RAB38: variants seen among roughly 807,000 people sequenced by gnomAD.
RAB38 encodes the protein RAB38, member RAS oncogene family.
A neutral mutation model predicts 18.4 loss-of-function variants in RAB38; 15 were observed. That is an observed-to-expected ratio of 0.82 (90% confidence interval 0.55 to 1.26). RAB38 has a LOEUF of 1.26. Ranked by LOEUF, RAB38 falls within the 50% of genes most tolerant of loss-of-function variation. The pLI, the probability that RAB38 is intolerant of heterozygous loss-of-function variation, is 0.00. For synonymous variants in RAB38, 101 were observed against 104.4 expected, an observed-to-expected ratio of 0.97 and a Z score of 0.20; for missense variants, 294 against 267.4, an observed-to-expected ratio of 1.10 and a Z score of -0.69.
At chr11:88,105,709 T>C in the RAB38 span, among the ~76,000 whole-genome samples, 6 of 152,120 alleles carry the variant, frequency 3.9e-5, no homozygotes, top group African/African-American at 1.4e-4. Context: ...CCAAAGACCC[T>C]GCATAGTTCA....
the RAB38 span, among the ~76,000 whole-genome samples, chr11:88,005,585 G>C: frequency 1.4e-5 from 2 of 147,476 alleles, no homozygotes; most frequent in African/African-American, 5.0e-5. Flanking sequence ...CTGTGCAGAA[G>C]TTTTTTTTTT....
the RAB38 span, among the ~76,000 whole-genome samples, chr11:87,807,477 A>G: frequency 1.3e-5 from 2 of 152,216 alleles, no homozygotes; most frequent in African/African-American, 4.8e-5. Flanking sequence ...TCTTCACTGG[A>G]TCTATAAATA....
chr11:88,161,174 G>C (rs1355494376), intron 1 of RAB38, among the ~76,000 whole-genome samples: 1 of 151,932 alleles, frequency 6.6e-6, no homozygotes. Flanking sequence ...TCAAACTCTT[G>C]TCGCTTCCTT....
the RAB38 span, among the ~76,000 whole-genome samples, chr11:87,897,017 C>G: frequency 9.2e-5 from 14 of 151,688 alleles, no homozygotes; most frequent in Non-Finnish European, 1.5e-4. Context: ...GATCTTTTTG[C>G]CTTTTAAGTG....
At chr11:87,940,090 A>G in the RAB38 span, among the ~76,000 whole-genome samples, 12 of 151,842 alleles carry the variant, frequency 7.9e-5, no homozygotes, top group Non-Finnish European at 1.5e-4. Context: ...GATAAATAAT[A>G]TTGATAAATC....
At chr11:88,071,743 A>G in the RAB38 span, among the ~76,000 whole-genome samples, 2 of 152,230 alleles carry the variant, frequency 1.3e-5, no homozygotes, top group Non-Finnish European at 2.9e-5. Context: ...GCATGGAGAA[A>G]GAATCCCTTT....
At chr11:87,950,617 A>C in the RAB38 span, among the ~76,000 whole-genome samples, 1 of 152,086 alleles carries the variant, frequency 6.6e-6, no homozygotes, top group Admixed American at 6.6e-5. Flanking sequence ...CTTGTCTGTA[A>C]AGGATTTTAT....
Position 88,149,934 on chromosome 11 carries a change from A to G in RAB38, c.224T>C (p.Met75Thr). The change falls in exon 2 of 3, where the codon ATG becomes ACG. Residue 75 changes from methionine to threonine, a missense_variant. By Grantham distance (81) the Met-to-Thr change is moderately conservative (BLOSUM62 -1). Coordinates refer to ENST00000243662, the MANE Select transcript of RAB38 (RefSeq NM_022337.3). ...AGCTTCTCGGTAATAGACCCTCGTC[A>G]TGTTTCCAAATCTTTCTTGACCTGA... is the stretch of plus-strand genomic sequence containing the variant. ...DIAGQERFGN[M>T]TRVYYREAMG... The G allele has an allele frequency of 2.5e-6, 4 of 1,611,926 alleles. No individual in the cohort carries two copies. The highest frequency in any genetic ancestry group is 3.4e-6 in the Non-Finnish European group (4 of 1,178,906).
rs539216900 is a variant in RAB38, at chr11:88,155,619, T to C, written c.203-5664A>G. 4.2e-4 allele frequency among the ~76,000 whole-genome samples: 64 copies of C among 152,252 alleles called. 1 individual carries two copies. Among genetic ancestry groups the C allele is most frequent in the African/African-American group, 1.5e-3 (64 of 41,560 alleles). On this transcript the variant is annotated intron_variant, in intron 1 of 2. Coordinates refer to ENST00000243662, the MANE Select transcript of RAB38 (RefSeq NM_022337.3). ...AAAGGAAAAAGCACAAAAATCCTGA[T>C]ACTATGAAAAATATGAATGCAGTGA...
chr11:88,076,934 G>T, the RAB38 span, among the ~76,000 whole-genome samples: 1 of 126,528 alleles, frequency 7.9e-6, no homozygotes, highest in Non-Finnish European at 1.6e-5. Context: ...ACTCCAGCCT[G>T]GGCAACAGAG....
chr11:88,135,723 T>C (rs760832069), intron 2 of RAB38, among the ~76,000 whole-genome samples: 12 of 152,228 alleles, frequency 7.9e-5, no homozygotes, highest in Non-Finnish European at 1.5e-4. Flanking sequence ...AAACTCTTCC[T>C]TTTTAAAGAG....
At chr11:88,151,609 A>T (rs1376389829) in intron 1 of RAB38, among the ~76,000 whole-genome samples, 1 of 152,254 alleles carries the variant, frequency 6.6e-6, no homozygotes, top group East Asian at 1.9e-4. Context: ...TTTCTTGGAA[A>T]GAGTAAAATG....
chr11:88,123,795 T>A (rs56052931), intron 2 of RAB38, among the ~76,000 whole-genome samples: 18,456 of 152,228 alleles, frequency 0.12, 1,567 homozygotes, highest in African/African-American at 0.24. Context: ...AATATTTTAC[T>A]GGGGCAAATG....
At chr11:87,871,110 ATTATTT>A in the RAB38 span, among the ~76,000 whole-genome samples, 1 of 151,652 alleles carries the variant, frequency 6.6e-6, no homozygotes, top group African/African-American at 2.4e-5. Context: ...ATTTGAGAAA[ATTATTT>A]TTATGTTTAG....
At chr11:88,084,115 C>T in the RAB38 span, among the ~76,000 whole-genome samples, 779 of 151,740 alleles carry the variant, frequency 5.1e-3, 5 homozygotes, top group African/African-American at 0.018. Context: ...AGGAAGTATA[C>T]GGCAATGAAT....
the RAB38 span, among the ~76,000 whole-genome samples, chr11:87,934,421 T>C: frequency 6.6e-6 from 1 of 152,146 alleles, no homozygotes; most frequent in Non-Finnish European, 1.5e-5. Context: ...ATAAATGAAT[T>C]ATATGCTAAC....
the RAB38 span, among the ~76,000 whole-genome samples, chr11:88,034,650 G>A: frequency 6.6e-5 from 10 of 152,220 alleles, no homozygotes; most frequent in African/African-American, 9.6e-5. Context: ...TATCCTCTTT[G>A]GTGGAATGTC....
chr11:87,879,931 T>C, the RAB38 span: 1 of 151,798 alleles, frequency 6.6e-6, no homozygotes, highest in African/African-American at 2.4e-5. Flanking sequence ...TATAATATGC[T>C]GTACTTTATC....
the RAB38 span, among the ~76,000 whole-genome samples, chr11:87,970,358 C>A: frequency 5.3e-5 from 8 of 152,066 alleles, no homozygotes; most frequent in Non-Finnish European, 1.2e-4. Flanking sequence ...CTGTTAGACT[C>A]TGCCTTTATT....
Sources: gnomAD v4.1 joint callset for allele counts (sites outside exome capture counted in the v4.1 genomes callset) on GRCh38, gnomAD v4.1.1 for gene constraint, MANE v1.5 for transcripts, NCBI Gene and HGNC (gene_info 2026-07-23, HGNC 2026-07-21) for gene names.